MBD5: variants seen among roughly 807,000 people sequenced by gnomAD.
The protein encoded by MBD5 is methyl-CpG binding domain protein 5, also known as methyl-CpG-binding domain protein 5.
A neutral mutation model predicts 117.3 loss-of-function variants in MBD5; 13 were observed. The ratio of observed to expected loss-of-function variants is 0.11; its 90% CI spans 0.07 to 0.18. MBD5 has a LOEUF of 0.18. Among genes scored for constraint, MBD5 ranks in the 10% least tolerant of loss-of-function variants. The probability of loss-of-function intolerance (pLI) is 1.00; values close to 1 mark genes in which losing one functional copy is unlikely to be tolerated. For missense variants in MBD5, 1,879 were observed against 2,093.8 expected, an observed-to-expected ratio of 0.90 and a Z score of 2.00; for synonymous variants, 727 against 766.4, an observed-to-expected ratio of 0.95 and a Z score of 0.85.
chr2:148,165,886 G>C (rs1457966015), intron 1 of MBD5, among the ~76,000 whole-genome samples: 1 of 152,058 alleles, frequency 6.6e-6, no homozygotes, highest in Non-Finnish European at 1.5e-5. Context: ...CAAATTGTCT[G>C]ATAATATTTT....
intron 1 of MBD5, among the ~76,000 whole-genome samples, chr2:148,108,398 G>A (rs1312676042): frequency 6.6e-6 from 1 of 151,938 alleles, no homozygotes; most frequent in Non-Finnish European, 1.5e-5. Flanking sequence ...CTGAAAATGC[G>A]GTAAGCTCTA....
chr2:148,482,379 C>T (rs542327594), intron 8 of MBD5, among the ~76,000 whole-genome samples: 10 of 151,678 alleles, frequency 6.6e-5, no homozygotes, highest in Admixed American at 1.3e-4. Context: ...GGTTCTGTAG[C>T]TATATATAAG....
intron 1 of MBD5, among the ~76,000 whole-genome samples, chr2:148,125,256 A>T (rs187157023): frequency 1.9e-3 from 294 of 151,536 alleles, no homozygotes; most frequent in Admixed American, 4.5e-3. Flanking sequence ...GGAGCTAGGG[A>T]TTTTTCTGTT....
intron 8 of MBD5, among the ~76,000 whole-genome samples, chr2:148,476,136 C>G (rs775886738): frequency 2.0e-5 from 3 of 152,140 alleles, no homozygotes; most frequent in Non-Finnish European, 4.4e-5. Context: ...AGAGAGTATT[C>G]ATCACAGATA....
At chr2:148,096,435 G>A (rs1696069772) in intron 1 of MBD5, among the ~76,000 whole-genome samples, 2 of 152,078 alleles carry the variant, frequency 1.3e-5, no homozygotes. Flanking sequence ...AACAATGTGA[G>A]GTTAAAAAAC....
At chr2:148,222,787 A>G (rs1292405229) in intron 2 of MBD5, among the ~76,000 whole-genome samples, 1 of 152,002 alleles carries the variant, frequency 6.6e-6, no homozygotes, top group African/African-American at 2.4e-5. Context: ...CTGGTTTTCT[A>G]GCTAGGACTT....
chr2:148,318,785 C>T (rs1301726840), intron 3 of MBD5, among the ~76,000 whole-genome samples: 9 of 152,262 alleles, frequency 5.9e-5, no homozygotes, highest in African/African-American at 1.9e-4. Context: ...GGTGCAATTT[C>T]GGCTCACTGC....
intron 3 of MBD5, among the ~76,000 whole-genome samples, chr2:148,304,820 T>C (rs1701852437): frequency 6.6e-6 from 1 of 152,144 alleles, no homozygotes; most frequent in Non-Finnish European, 1.5e-5. Flanking sequence ...CCCAGCACTT[T>C]GGGAGGCCGA....
At chr2:148,255,281 G>A (rs775438383) in intron 3 of MBD5, among the ~76,000 whole-genome samples, 3 of 152,278 alleles carry the variant, frequency 2.0e-5, no homozygotes, top group South Asian at 2.1e-4. Flanking sequence ...TCAGCTCCCC[G>A]TGGTTCCTTT....
Position 148,428,507 on chromosome 2 carries a change from A to G in MBD5, c.-556-29696A>G, listed in dbSNP as rs200923033. ...CTAGAAAAACTACCTTAAATTTCAT[A>G]TGGAACCAAAAAAGAGCCCTTATAG... On this transcript the variant is annotated intron_variant, in intron 4 of 13. Transcript: ENST00000642680. 5.3e-5 allele frequency among the ~76,000 whole-genome samples: 8 copies of G among 152,188 alleles called. No homozygotes were observed. The East Asian group carries it at 1.5e-3, about 29-fold the overall frequency.
chr2:148,039,982 A>G (rs781581547), intron 1 of MBD5, among the ~76,000 whole-genome samples: 57 of 152,258 alleles, frequency 3.7e-4, no homozygotes, highest in Admixed American at 1.6e-3. Context: ...ACCCTACTCC[A>G]TTCAGCCTGG....
Position 148,469,580 on chromosome 2 carries a change from C to A in MBD5, c.1637C>A (p.Ala546Asp), listed in dbSNP as rs370312062. Residue 546 changes from alanine (A) to aspartate (D), a missense_variant, in exon 8 of 14, where the codon GCC becomes GAC. By Grantham distance (126) the Ala-to-Asp change is moderately radical (BLOSUM62 -2). Transcript: ENST00000642680. ...AGTGCAGCTTTTCCTACTGCATCTG[C>A]CGGAAGTAGTTCTGTAAAGAGTCAG... ...PSSAAFPTAS[A>D]GSSSVKSQPG... 6.2e-6 allele frequency: 10 copies of A among 1,613,726 alleles called. No individual in the cohort carries two copies. The highest frequency in any genetic ancestry group is 8.5e-6 in the Non-Finnish European group (10 of 1,179,922).
chr2:148,270,393 ATT>A (rs11439214), intron 3 of MBD5, among the ~76,000 whole-genome samples: 1 of 141,688 alleles, frequency 7.1e-6, no homozygotes, highest in Non-Finnish European at 1.5e-5. Context: ...CTTCCTTTCT[ATT>A]TTTTTTTTTT....
At chr2:148,446,199 C>G (rs374056026) in intron 4 of MBD5, among the ~76,000 whole-genome samples, 1 of 151,470 alleles carries the variant, frequency 6.6e-6, no homozygotes, top group African/African-American at 2.4e-5. Context: ...AGACATGAAG[C>G]CCTTGCCCAC....
chr2:148,163,437 T>TC (rs1225371105), intron 1 of MBD5, among the ~76,000 whole-genome samples: 2 of 152,164 alleles, frequency 1.3e-5, no homozygotes, highest in African/African-American at 4.8e-5. Context: ...TTTTTTTTTT[T>TC]CAAGACGGAG....
intron 4 of MBD5, among the ~76,000 whole-genome samples, chr2:148,361,547 A>G (rs1703532334): frequency 6.6e-6 from 1 of 152,196 alleles, no homozygotes; most frequent in African/African-American, 2.4e-5. Context: ...AATATTAACT[A>G]ATGTAGCCTT....
intron 1 of MBD5, among the ~76,000 whole-genome samples, chr2:148,146,080 A>T (rs1479390329): frequency 6.6e-6 from 1 of 152,190 alleles, no homozygotes; most frequent in Non-Finnish European, 1.5e-5. Flanking sequence ...GTATATTGAT[A>T]TGACACTGCA....
At chr2:148,327,593 C>T (rs1702494541) in intron 3 of MBD5, among the ~76,000 whole-genome samples, 1 of 151,764 alleles carries the variant, frequency 6.6e-6, no homozygotes. Flanking sequence ...TCATTCATTT[C>T]ATCTTCCATC....
chr2:148,290,401 T>C (rs980532789), intron 3 of MBD5, among the ~76,000 whole-genome samples: 1 of 152,022 alleles, frequency 6.6e-6, no homozygotes, highest in Non-Finnish European at 1.5e-5. Context: ...GCTTTAGGAA[T>C]TTCAGAATAA....
Sources: gnomAD v4.1 joint callset for allele counts (sites outside exome capture counted in the v4.1 genomes callset) on GRCh38, gnomAD v4.1.1 for gene constraint, MANE v1.5 for transcripts, NCBI Gene and HGNC (gene_info 2026-07-23, HGNC 2026-07-21) for gene names.